ZFPM1: variants seen among roughly 807,000 people sequenced by gnomAD.
ZFPM1 encodes the protein zinc finger protein, FOG family member 1.
A neutral mutation model predicts 46.3 loss-of-function variants in ZFPM1; 28 were observed. That is an observed-to-expected ratio of 0.60 (90% CI 0.45 to 0.83). ZFPM1 has a LOEUF of 0.83. ZFPM1 is among the 40% of genes least tolerant of loss of function. The pLI is 0.00. For synonymous variants in ZFPM1, 957 were observed against 675.9 expected, an observed-to-expected ratio of 1.42 and a Z score of -6.45; for missense variants, 1,878 against 1,432.4, an observed-to-expected ratio of 1.31 and a Z score of -5.02.
intron 1 of ZFPM1, among the ~76,000 whole-genome samples, chr16:88,461,200 TGAGGACCCA>T (rs1907860711): frequency 1.2e-5 from 1 of 84,628 alleles, no homozygotes; most frequent in African/African-American, 5.7e-5. Flanking sequence ...GGAGGCCTGG[TGAGGACCCA>T]GGGGCGGGAG....
At chr16:88,524,149 C>A (rs909321819) in intron 4 of ZFPM1, among the ~76,000 whole-genome samples, 2 of 152,220 alleles carry the variant, frequency 1.3e-5, no homozygotes, top group Admixed American at 1.3e-4. Context: ...ATCGGAGGAT[C>A]AAGCAGATTA....
intron 3 of ZFPM1, among the ~76,000 whole-genome samples, chr16:88,498,021 C>T (rs1388154975): frequency 6.6e-6 from 1 of 152,196 alleles, no homozygotes; most frequent in East Asian, 1.9e-4. Context: ...TCTGCCTTAT[C>T]AGCGGCCCTG....
At chr16:88,461,008 C>CAA (rs1567525516) in intron 1 of ZFPM1, among the ~76,000 whole-genome samples, 19 of 37,710 alleles carry the variant, frequency 5.0e-4, no homozygotes, top group African/African-American at 2.0e-3. Context: ...TGGTGAGGAC[C>CAA]GAGGGGTGGG....
intron 4 of ZFPM1, among the ~76,000 whole-genome samples, chr16:88,520,375 G>A (rs989158207): frequency 6.6e-6 from 1 of 150,518 alleles, no homozygotes; most frequent in Admixed American, 6.6e-5. Context: ...GGATGGATGA[G>A]TGGATGGATA....
intron 3 of ZFPM1, among the ~76,000 whole-genome samples, chr16:88,493,100 C>CGGGGAGCTGTCCCGGGGTGG (rs1256864111): frequency 2.6e-5 from 3 of 113,760 alleles, no homozygotes; most frequent in Admixed American, 8.3e-5. Flanking sequence ...TCCCGGGGTG[C>CGGGGAGCTGTCCCGGGGTGG]GGGGAGCTGT....
chr16:88,464,757 G>C (rs1377099811), intron 1 of ZFPM1, among the ~76,000 whole-genome samples: 1 of 152,208 alleles, frequency 6.6e-6, no homozygotes, highest in African/African-American at 2.4e-5. Context: ...ACAGGTTTCA[G>C]CTCCTGCGAT....
chr16:88,503,925 AG>A (rs1910514084), intron 3 of ZFPM1, among the ~76,000 whole-genome samples: 1 of 142,702 alleles, frequency 7.0e-6, no homozygotes. Context: ...CTTTTCTGGA[AG>A]GGACTTTTCC....
At position 88,469,699 on chromosome 16, in the gene ZFPM1, A is replaced by C. The variant is rs1412416281; in HGVS notation, c.40+16021A>C. Among the ~76,000 whole-genome samples the C allele has an allele frequency of 6.6e-6, 1 of 152,208 alleles. No homozygotes were observed. On this transcript the variant is annotated intron_variant, in intron 1 of 9. Coordinates refer to ENST00000319555, the MANE Select transcript of ZFPM1 (RefSeq NM_153813.3). This position sits in a 1 kb window ranked among gnomAD's most constrained non-coding sequence, Gnocchi z 4.3. ...CTGTCAGCTCCCACGGCACCTGAAA[A>C]TCAGCCACAGGTGTGGGTGTTTGTC...
Position 88,534,315 on chromosome 16 carries a change from C to G in ZFPM1, c.2357C>G (p.Ser786Trp). ...GSGPGLAPAR[S>W]PGPAADGPID... Reference sequence around the variant, plus strand: ...GGCCCCGGCCTCGCCCCTGCGCGCTCGCCCGGCCCCGCGGCCGACGGCCCC... The same window carrying G: ...GGCCCCGGCCTCGCCCCTGCGCGCTGGCCCGGCCCCGCGGCCGACGGCCCC... The change falls in exon 10 of 10, where the codon TCG becomes TGG. Residue 786 changes from serine to tryptophan, a missense_variant. Physicochemically the swap from Ser to Trp is radical, Grantham distance 177. Transcript: ENST00000319555. 1.5e-6 allele frequency: 2 copies of G among 1,320,402 alleles called. No homozygotes were observed. The highest frequency in any genetic ancestry group is 3.6e-5 in the East Asian group (1 of 27,882). 81.8% of individuals were successfully genotyped at this position (1,320,402 alleles called of 1,614,324 possible).
chr16:88,523,694 G>A (rs1462282191), intron 4 of ZFPM1, among the ~76,000 whole-genome samples: 2 of 152,246 alleles, frequency 1.3e-5, no homozygotes, highest in Non-Finnish European at 2.9e-5. Context: ...GGTCGCAGAA[G>A]TAGGAGCGGC....
At chr16:88,524,154 A>G (rs1192523160) in intron 4 of ZFPM1, among the ~76,000 whole-genome samples, 3 of 152,224 alleles carry the variant, frequency 2.0e-5, no homozygotes, top group African/African-American at 7.2e-5. Flanking sequence ...AGGATCAAGC[A>G]GATTAATTTT....
rs542965567 is a variant in ZFPM1, at chr16:88,495,592, GGAAGGATGGCCTGA to G, written c.268+6442_268+6455del. 4.1e-3 allele frequency among the ~76,000 whole-genome samples: 631 copies of G among 152,342 alleles called. 28 individuals carry two copies. Among genetic ancestry groups the G allele is most frequent in the Admixed American group, 0.039 (604 of 15,308 alleles). On this transcript the variant is annotated intron_variant, in intron 3 of 9. Transcript: ENST00000319555. ...CAGCGTGGTGCAGGCACCGAGGGTGGGAAGGATGGCCTGAGACCTGACGCTAAGGGCAGGACCGT... is the reference window on the plus strand; with the variant it reads ...CAGCGTGGTGCAGGCACCGAGGGTGGGACCTGACGCTAAGGGCAGGACCGT...
chr16:88,509,415 G>A (rs562494435), intron 3 of ZFPM1, among the ~76,000 whole-genome samples: 1 of 152,346 alleles, frequency 6.6e-6, no homozygotes, highest in East Asian at 1.9e-4. Flanking sequence ...ATCTGGGGTG[G>A]CTGGACTTTG....
intron 1 of ZFPM1, among the ~76,000 whole-genome samples, chr16:88,483,908 G>A (rs1307855323): frequency 1.3e-5 from 2 of 152,160 alleles, no homozygotes; most frequent in Non-Finnish European, 2.9e-5. Context: ...GTCAGCCTTG[G>A]ACATCAGCCT....
chr16:88,497,391 C>T lies in ZFPM1; in HGVS notation c.268+8238C>T, dbSNP rs906086338. The stretch of plus-strand genomic sequence containing the variant: ...CAGTGGTGGCTGGAACATCAGGGCC[C>T]GGGCGGGGATGGGGTTCAGAGGGGT... On this transcript the variant is annotated intron_variant, in intron 3 of 9. Transcript: ENST00000319555. This position sits in a 1 kb window ranked among gnomAD's most constrained non-coding sequence, Gnocchi z 5.4. Among the ~76,000 whole-genome samples, 70 of 131,812 alleles carry T rather than the reference C, an allele frequency of 5.3e-4. No individual in the cohort carries two copies. Among genetic ancestry groups the T allele is most frequent in the African/African-American group, 1.9e-3 (67 of 35,414 alleles). 86.5% of individuals were successfully genotyped at this position (131,812 alleles called of 152,430 possible).
At chr16:88,460,915 CG>C (rs2142339905) in intron 1 of ZFPM1, among the ~76,000 whole-genome samples, 1 of 89,494 alleles carries the variant, frequency 1.1e-5, no homozygotes, top group East Asian at 4.1e-4. Context: ...TGGTGAGGAC[CG>C]AGGGGCGGGG....
At chr16:88,512,370 G>C (rs1171813616) in intron 3 of ZFPM1, among the ~76,000 whole-genome samples, 1 of 152,168 alleles carries the variant, frequency 6.6e-6, no homozygotes, top group African/African-American at 2.4e-5. Context: ...GTGGGCACCA[G>C]CCCCAGGTGC....
Position 88,528,183 on chromosome 16 carries a change from G to T in ZFPM1, c.657G>T (p.Gln219His), listed in dbSNP as rs760708382. 3.1e-6 allele frequency: 5 copies of T among 1,610,274 alleles called. No individual in the cohort carries two copies. Among genetic ancestry groups the T allele is most frequent in the Non-Finnish European group, 2.5e-6 (3 of 1,179,438 alleles). ...PTCPAPAHDL[Q>H]LLPQQAGMAS... Reference sequence around the variant, plus strand: ...GCCCGGCCCCTGCACACGACCTCCAGCTCCTGCCCCAGCAGGCCGGGATGG... The same window carrying T: ...GCCCGGCCCCTGCACACGACCTCCATCTCCTGCCCCAGCAGGCCGGGATGG... The change falls in exon 6 of 10, where the codon CAG becomes CAT. Residue 219 changes from glutamine to histidine, a missense_variant. Coordinates refer to ENST00000319555, the MANE Select transcript of ZFPM1 (RefSeq NM_153813.3).
intron 3 of ZFPM1, among the ~76,000 whole-genome samples, chr16:88,507,328 T>C (rs1481709893): frequency 6.6e-6 from 1 of 152,060 alleles, no homozygotes; most frequent in Non-Finnish European, 1.5e-5. Context: ...CCTCCAGAGC[T>C]CAGAGATGGG....
Sources: gnomAD v4.1 joint callset for allele counts (sites outside exome capture counted in the v4.1 genomes callset) on GRCh38, gnomAD v4.1.1 for gene constraint, Gnocchi (gnomAD v3.1) non-coding constraint, MANE v1.5 for transcripts, NCBI Gene and HGNC (gene_info 2026-07-23, HGNC 2026-07-21) for gene names.